Variants in PRDM10 observed in about 807,000 individuals in gnomAD.
The protein encoded by PRDM10 is PR domain zinc finger protein 10.
Under a neutral mutation model 133.1 loss-of-function variants are expected in PRDM10, and 65 were observed. That is an observed-to-expected ratio of 0.49 (90% CI 0.40 to 0.60). The LOEUF is 0.60. Among genes scored for constraint, PRDM10 ranks in the 20% least tolerant of loss-of-function variants. The pLI, the probability that PRDM10 is intolerant of heterozygous loss-of-function variation, is 0.00. For missense variants in PRDM10, 1,137 were observed against 1,507.1 expected (o/e 0.75, Z 4.07); for synonymous variants, 582 against 580.4 (o/e 1.00, Z -0.04).
intron 2 of PRDM10, among the ~76,000 whole-genome samples, chr11:129,958,531 C>T (rs2135918432): frequency 6.6e-6 from 1 of 152,252 alleles, no homozygotes; most frequent in African/African-American, 2.4e-5. Flanking sequence ...GTAATCCCAG[C>T]TACTCAGGAG....
chr11:129,990,842 G>C (rs1317441542), intron 1 of PRDM10, among the ~76,000 whole-genome samples: 1 of 152,022 alleles, frequency 6.6e-6, no homozygotes, highest in Non-Finnish European at 1.5e-5. Flanking sequence ...ACAGATGGTA[G>C]AAAAATAAGT....
intron 9 of PRDM10, among the ~76,000 whole-genome samples, chr11:129,934,246 C>CT (rs1950958890): frequency 6.6e-6 from 1 of 152,232 alleles, no homozygotes; most frequent in African/African-American, 2.4e-5. Flanking sequence ...AGTGGGCTCA[C>CT]TTTCATTTCA....
chr11:129,970,970 G>C (rs1046051469), intron 1 of PRDM10, among the ~76,000 whole-genome samples: 2 of 152,134 alleles, frequency 1.3e-5, no homozygotes, highest in African/African-American at 4.8e-5. Flanking sequence ...AAATTGGTGG[G>C]TTCTGGGTCT....
chr11:129,981,043 G>A (rs940108715), intron 1 of PRDM10, among the ~76,000 whole-genome samples: 3 of 151,736 alleles, frequency 2.0e-5, no homozygotes, highest in Non-Finnish European at 4.4e-5. Flanking sequence ...AGCTAATTTT[G>A]TATTTTTAGT....
intron 9 of PRDM10, 59 bp from the exon 10 acceptor site, chr11:129,932,290 A>T (rs187506616): frequency 1.3e-6 from 2 of 1,583,242 alleles, no homozygotes. Context: ...CATAACAAGT[A>T]GCGACCTAAA....
At position 129,945,096 on chromosome 11, in the gene PRDM10, C is replaced by G. The variant is rs1951363178; in HGVS notation, c.521-84G>C. 2 of 1,540,992 alleles carry G rather than the reference C, an allele frequency of 1.3e-6. No individual in the cohort carries two copies. The highest frequency in any genetic ancestry group is 1.8e-6 in the Non-Finnish European group (2 of 1,138,588). On this transcript the variant is annotated intron_variant, in intron 5 of 20. Transcript: ENST00000360871. The surrounding 1 kb of genome is among the most constrained non-coding windows in gnomAD (Gnocchi z 4.2). ...GGTAAAAAATTCTGACCCGAAAAAT[C>G]CCCGTCTGCATTTTCAAGCCAAAAT...
intron 11 of PRDM10, among the ~76,000 whole-genome samples, chr11:129,929,816 GC>G (rs1453769780): frequency 2.0e-5 from 3 of 151,666 alleles, no homozygotes; most frequent in Admixed American, 6.6e-5. Flanking sequence ...AATCAGAATG[GC>G]CAAAGCAGAA....
rs1591584864 is a variant in PRDM10, at chr11:129,914,814, G to A, written c.2731C>T (p.Arg911Ter). 1.2e-6 allele frequency: 2 copies of A among 1,614,130 alleles called. No individual in the cohort carries two copies. The highest frequency in any genetic ancestry group is 1.1e-5 in the South Asian group (1 of 91,076). The change falls in exon 17 of 21, where the codon CGA (arginine) becomes TGA (stop). Residue 911 changes from arginine (R) to a stop codon, truncating the protein, a stop_gained. Coordinates refer to ENST00000360871, the MANE Select transcript of PRDM10 (RefSeq NM_199437.2). LOFTEE classifies it high-confidence loss of function. ...ELSQTLTTDYRTPQGDYQRIQ... is the reference protein window; with the variant it reads ...ELSQTLTTDY ...CTCTGGTAATCCCCTTGTGGCGTTCGGTAGTCTGTCGTTAAGGTCTGGGAC... is the reference window on the plus strand; with the variant it reads ...CTCTGGTAATCCCCTTGTGGCGTTCAGTAGTCTGTCGTTAAGGTCTGGGAC...
Position 129,957,925 on chromosome 11 carries a change from A to C in PRDM10, c.70-15T>G, listed in dbSNP as rs1951727614. On this transcript the variant is annotated splice_polypyrimidine_tract_variant and intron_variant, in intron 2 of 20. Transcript: ENST00000360871. ...ACAAAGTGCACCTGGCATAAACAGG[A>C]GACAAAGAACAAAATCAGTATCAGG... The C allele has an allele frequency of 6.2e-7, 1 of 1,600,180 alleles. No individual in the cohort carries two copies. The highest frequency in any genetic ancestry group is 1.3e-5 in the African/African-American group (1 of 74,584).
Position 129,947,310 on chromosome 11 carries a change from G to T in PRDM10, c.355C>A (p.Pro119Thr), listed in dbSNP as rs145812928. The change falls in exon 5 of 21, where the codon CCT (proline) becomes ACT (threonine). Residue 119 changes from proline (P) to threonine (T), a missense_variant. Coordinates refer to ENST00000360871, the MANE Select transcript of PRDM10 (RefSeq NM_199437.2). The surrounding 1 kb of genome is among the most constrained non-coding windows in gnomAD (Gnocchi z 4.6). ...AGAGGGGTCTGCAGAGTTGCCAAAG[G>T]GTCGGACCCATCTACACTCTCGATG... ...PSIESVDGSD[P>T]LATLQTPLGR... The T allele has an allele frequency of 6.2e-7, 1 of 1,614,066 alleles. No homozygotes were observed. The highest frequency in any genetic ancestry group is 1.3e-5 in the African/African-American group (1 of 75,006).
chr11:129,993,992 G>A (rs895062909), intron 1 of PRDM10, among the ~76,000 whole-genome samples: 3 of 152,018 alleles, frequency 2.0e-5, no homozygotes, highest in Non-Finnish European at 2.9e-5. Context: ...TCCACTCCTT[G>A]AGCCACTGTG....
At chr11:129,992,371 CAATT>C (rs1468426869) in intron 1 of PRDM10, among the ~76,000 whole-genome samples, 4 of 152,206 alleles carry the variant, frequency 2.6e-5, no homozygotes, top group Non-Finnish European at 5.9e-5. Flanking sequence ...TACCTGATCT[CAATT>C]AACCCTCACC....
In PRDM10 at chr11:129,910,471, CT is replaced by C; in HGVS notation, c.3163+4del. On this transcript the variant is annotated splice_donor_region_variant and intron_variant, in intron 19 of 20. Coordinates refer to ENST00000360871, the MANE Select transcript of PRDM10 (RefSeq NM_199437.2). ...ACCGACACGGCATCGTCCCTTCTTACTTACAATAGCCACGGAAGGAATTCCA... is the reference window on the plus strand; with the variant it reads ...ACCGACACGGCATCGTCCCTTCTTACTACAATAGCCACGGAAGGAATTCCA... 6.2e-7 allele frequency: 1 copy of C among 1,613,952 alleles called. No homozygotes were observed.
In PRDM10 at chr11:129,918,238, C is replaced by A; in HGVS notation, c.2214+301G>T. ...AGAGGGAACTAAAATAAGGTGAGAG[C>A]AGAGATTGAGATGGGTAAAGAAAAA... is the stretch of plus-strand genomic sequence containing the variant. On this transcript the variant is annotated intron_variant, in intron 14 of 20. Transcript: ENST00000360871. This position sits in a 1 kb window ranked among gnomAD's most constrained non-coding sequence, Gnocchi z 5.3. 6.8e-6 allele frequency among the ~76,000 whole-genome samples: 1 copy of A among 146,312 alleles called. No individual in the cohort carries two copies. Among genetic ancestry groups the A allele is most frequent in the Admixed American group, 6.9e-5 (1 of 14,514 alleles).
chr11:129,957,184 G>A (rs1182789711), intron 3 of PRDM10, among the ~76,000 whole-genome samples: 1 of 152,210 alleles, frequency 6.6e-6, no homozygotes, highest in African/African-American at 2.4e-5. Flanking sequence ...TTGATACTTA[G>A]GAATAATAAA....
chr11:129,910,911 G>A (rs1334466511), intron 18 of PRDM10, among the ~76,000 whole-genome samples: 2 of 152,098 alleles, frequency 1.3e-5, no homozygotes, highest in Non-Finnish European at 2.9e-5. Context: ...CGAGTAGCTA[G>A]GATTACAGGC....
chr11:129,951,175 A>T (rs560461877), intron 4 of PRDM10, among the ~76,000 whole-genome samples: 29 of 152,302 alleles, frequency 1.9e-4, no homozygotes, highest in African/African-American at 7.0e-4. Context: ...ATGAACCACA[A>T]ATTCAAATTC....
At chr11:129,939,349 A>T (rs1236338127) in intron 7 of PRDM10, among the ~76,000 whole-genome samples, 1 of 152,172 alleles carries the variant, frequency 6.6e-6, no homozygotes, top group Non-Finnish European at 1.5e-5. Flanking sequence ...AAGACATTTT[A>T]TTTTTTACTG....
intron 1 of PRDM10, among the ~76,000 whole-genome samples, chr11:129,970,766 G>C (rs374516430): frequency 6.6e-6 from 1 of 151,940 alleles, no homozygotes; most frequent in African/African-American, 2.4e-5. Flanking sequence ...GGTTGGTCTC[G>C]AACTCCTGAC....
Sources: gnomAD v4.1 joint callset for allele counts (sites outside exome capture counted in the v4.1 genomes callset) on GRCh38, gnomAD v4.1.1 for gene constraint, Gnocchi (gnomAD v3.1) non-coding constraint, MANE v1.5 for transcripts, NCBI Gene and HGNC (gene_info 2026-07-23, HGNC 2026-07-21) for gene names.